TMPRSS11F: variants seen among roughly 807,000 people sequenced by gnomAD.
The protein encoded by TMPRSS11F is transmembrane serine protease 11F.
TMPRSS11F carries 47 observed loss-of-function variants against 60.2 expected under a neutral mutation model. The ratio of observed to expected loss-of-function variants is 0.78; its 90% CI spans 0.62 to 1.00. The LOEUF is 1.00. Ranked by LOEUF, TMPRSS11F falls within the 50% of genes least tolerant of loss-of-function variation. The pLI, the probability that TMPRSS11F is intolerant of heterozygous loss-of-function variation, is 0.00. For synonymous variants in TMPRSS11F, 166 were observed against 167.3 expected, an observed-to-expected ratio of 0.99 and a Z score of 0.06; for missense variants, 519 against 522.9, an observed-to-expected ratio of 0.99 and a Z score of 0.07.
intron 3 of TMPRSS11F, among the ~76,000 whole-genome samples, chr4:68,087,292 C>T (rs889241537): frequency 4.2e-4 from 64 of 152,236 alleles, no homozygotes; most frequent in African/African-American, 1.3e-3. Flanking sequence ...GCAGAAAAAG[C>T]TTTTGATAAA....
chr4:68,069,588 AC>A (rs995521774), intron 6 of TMPRSS11F, among the ~76,000 whole-genome samples: 5 of 151,856 alleles, frequency 3.3e-5, no homozygotes, highest in Non-Finnish European at 7.4e-5. Flanking sequence ...AAGAGAATGT[AC>A]ATAACAGATA....
chr4:68,095,654 T>C (rs1449724113), intron 2 of TMPRSS11F, among the ~76,000 whole-genome samples: 1 of 151,990 alleles, frequency 6.6e-6, no homozygotes, highest in Non-Finnish European at 1.5e-5. Context: ...TCCCAGCACT[T>C]TGGGAGGCCA....
chr4:68,101,465 T>A (rs577204154), intron 1 of TMPRSS11F, among the ~76,000 whole-genome samples: 1 of 152,310 alleles, frequency 6.6e-6, no homozygotes, highest in East Asian at 1.9e-4. Context: ...ACAAAATATA[T>A]TAAGTGCATT....
At chr4:68,091,487 T>C (rs1723930300) in intron 2 of TMPRSS11F, among the ~76,000 whole-genome samples, 1 of 152,248 alleles carries the variant, frequency 6.6e-6, no homozygotes, top group East Asian at 1.9e-4. Context: ...CAAACCTTTG[T>C]CATGAGTTTC....
chr4:68,054,736 T>C (rs1373696095), intron 9 of TMPRSS11F, among the ~76,000 whole-genome samples: 1 of 152,166 alleles, frequency 6.6e-6, no homozygotes, highest in East Asian at 1.9e-4. Context: ...ATCTGTTTCT[T>C]TAATTAACTA....
intron 9 of TMPRSS11F, among the ~76,000 whole-genome samples, chr4:68,057,022 T>C (rs1723061017): frequency 6.6e-6 from 1 of 152,110 alleles, no homozygotes; most frequent in Non-Finnish European, 1.5e-5. Context: ...TGGTGGCTCA[T>C]GCCTGTAATC....
chr4:68,083,419 A>G (rs1256076005), intron 3 of TMPRSS11F, among the ~76,000 whole-genome samples: 1 of 152,190 alleles, frequency 6.6e-6, no homozygotes, highest in Non-Finnish European at 1.5e-5. Flanking sequence ...GAAATACACA[A>G]GAGCAGGGCA....
intron 2 of TMPRSS11F, among the ~76,000 whole-genome samples, chr4:68,097,913 A>G (rs7676484): frequency 0.38 from 57,953 of 152,014 alleles, 12,881 homozygotes; most frequent in Non-Finnish European, 0.52. Flanking sequence ...GGCATGTTGG[A>G]CAATATTTCA....
intron 3 of TMPRSS11F, among the ~76,000 whole-genome samples, chr4:68,090,111 G>A (rs989478682): frequency 1.1e-4 from 17 of 151,972 alleles, no homozygotes; most frequent in Non-Finnish European, 2.4e-4. Flanking sequence ...TTAATATCAA[G>A]AATTATAGCT....
At chr4:68,089,809 G>A (rs1723886807) in intron 3 of TMPRSS11F, among the ~76,000 whole-genome samples, 1 of 152,054 alleles carries the variant, frequency 6.6e-6, no homozygotes, top group South Asian at 2.1e-4. Context: ...TAATCATAAA[G>A]AATCATATTA....
In TMPRSS11F at chr4:68,098,975, C is replaced by T. The variant is rs761964521; in HGVS notation, c.75G>A (p.Trp25Ter). The change falls in exon 2 of 10, where the codon TGG becomes TGA. Residue 25 changes from tryptophan (W) to a stop codon, truncating the protein, a stop_gained. Transcript: ENST00000356291. LOFTEE classifies it high-confidence loss of function. ...TGAAAAGAGCTAGCCGTACTGAGTC[C>T]CAAAATTGCTGCTTTCTTTGATATT... Reference protein sequence around the residue: ...RAEYQRKQQFWDSVRLALFTL... With the variant: ...RAEYQRKQQF 1 of 1,613,106 alleles carries T rather than the reference C, an allele frequency of 6.2e-7. No individual in the cohort carries two copies. The highest frequency in any genetic ancestry group is 1.1e-5 in the South Asian group (1 of 90,986).
rs146923688 is a variant in TMPRSS11F, at chr4:68,099,034, C to T, written c.16G>A (p.Val6Ile). 4 of 1,612,054 alleles carry T rather than the reference C, an allele frequency of 2.5e-6. No homozygotes were observed. The African/African-American group carries it at 5.3e-5, about 22-fold the overall frequency. MMYAP[V>I]EFSEAEFSRA... ...GAGAATTCAGCTTCTGAAAATTCAA[C>T]AGGTCTGTGATAACAGAAAGAAAAT... The change falls in exon 2 of 10, where the codon GTT (valine) becomes ATT (isoleucine). Residue 6 changes from valine to isoleucine, a missense_variant. By Grantham distance (29) the Val-to-Ile change is conservative. Transcript: ENST00000356291.
chr4:68,119,662 G>A (rs1022300268), intron 1 of TMPRSS11F, among the ~76,000 whole-genome samples: 26 of 152,240 alleles, frequency 1.7e-4, no homozygotes, highest in African/African-American at 5.1e-4. Context: ...TAAGTCCACC[G>A]TTGAGACTTA....
At position 68,085,183 on chromosome 4, in the gene TMPRSS11F, C is replaced by T. The variant is rs567595209; in HGVS notation, c.282+5340G>A. Among the ~76,000 whole-genome samples the T allele has an allele frequency of 1.2e-4, 17 of 145,788 alleles. No homozygotes were observed. The South Asian group carries it at 2.3e-3, about 20-fold the overall frequency. On this transcript the variant is annotated intron_variant, in intron 3 of 9. Coordinates refer to ENST00000356291, the MANE Select transcript of TMPRSS11F (RefSeq NM_207407.2). The stretch of plus-strand genomic sequence containing the variant: ...AAGTCTTTGCTATTGTGAATAATGC[C>T]GCAATAAACATACGTGTGCATGTGT...
intron 1 of TMPRSS11F, among the ~76,000 whole-genome samples, chr4:68,114,858 T>G (rs1431369410): frequency 6.6e-6 from 1 of 151,592 alleles, no homozygotes; most frequent in East Asian, 1.9e-4. Context: ...AGTTCAAAAT[T>G]TGAAAACCAA....
intron 1 of TMPRSS11F, among the ~76,000 whole-genome samples, chr4:68,117,294 C>T (rs1209014656): frequency 6.6e-6 from 1 of 151,498 alleles, no homozygotes; most frequent in Non-Finnish European, 1.5e-5. Context: ...GGTGAAACCC[C>T]GTCTCTACTA....
intron 1 of TMPRSS11F, among the ~76,000 whole-genome samples, chr4:68,101,816 T>C (rs951392896): frequency 2.4e-4 from 37 of 152,168 alleles, no homozygotes; most frequent in African/African-American, 8.7e-4. Context: ...TCTCACCTAG[T>C]AACCATTTTT....
chr4:68,060,445 G>A (rs1405550473), intron 8 of TMPRSS11F, among the ~76,000 whole-genome samples: 2 of 133,424 alleles, frequency 1.5e-5, no homozygotes, highest in African/African-American at 5.6e-5. Context: ...GAACCTGGGA[G>A]GCAGAGCTTG....
At chr4:68,061,492 C>A (rs1723173258) in intron 8 of TMPRSS11F, among the ~76,000 whole-genome samples, 2 of 152,142 alleles carry the variant, frequency 1.3e-5, no homozygotes, top group Non-Finnish European at 2.9e-5. Flanking sequence ...GTCTTTATAT[C>A]ACAAATGTAA....
Sources: allele counts gnomAD v4.1 joint callset (sites outside exome capture counted in the v4.1 genomes callset), GRCh38; gene constraint gnomAD v4.1.1; transcripts MANE v1.5; gene names NCBI Gene and HGNC (gene_info 2026-07-23, HGNC 2026-07-21).